The following FRMD3 variants were observed in gnomAD, a reference collection of about 807,000 sequenced individuals.
FRMD3 encodes the protein FERM domain containing 3, also known as FERM domain-containing protein 3.
Under a neutral mutation model 70.2 loss-of-function variants are expected in FRMD3, and 33 were observed. The ratio of observed to expected loss-of-function variants is 0.47; its 90% confidence interval spans 0.36 to 0.63. The LOEUF is 0.63. Among genes scored for constraint, FRMD3 ranks in the 20% least tolerant of loss-of-function variants. The pLI, the probability that FRMD3 is intolerant of heterozygous loss-of-function variation, is 0.00. For missense variants in FRMD3, 632 were observed against 711.4 expected (o/e 0.89, Z 1.27); for synonymous variants, 279 against 255.9 (o/e 1.09, Z -0.86).
intron 13 of FRMD3, among the ~76,000 whole-genome samples, chr9:83,286,488 C>T (rs1015116210): frequency 1.3e-5 from 2 of 152,260 alleles, no homozygotes; most frequent in South Asian, 2.1e-4. Context: ...TATGCCACCA[C>T]ACCCAGCTAA....
chr9:83,381,971 C>T lies in FRMD3; in HGVS notation c.252+7633G>A, dbSNP rs1217042986. ...AAAAACAGTTGGAAAGCCATCCTGA[C>T]CCTTGCATGCCAGTCCCTACTCCCA... On this transcript the variant is annotated intron_variant, in intron 2 of 13. Coordinates refer to ENST00000304195, the MANE Select transcript of FRMD3 (RefSeq NM_174938.6). Among the ~76,000 whole-genome samples the T allele has an allele frequency of 3.3e-5, 5 of 152,054 alleles. No individual in the cohort carries two copies. The East Asian group carries it at 9.6e-4, about 29-fold the overall frequency.
chr9:83,542,313 T>G (rs529530453), upstream of FRMD3, among the ~76,000 whole-genome samples: 19 of 152,240 alleles, frequency 1.2e-4, no homozygotes, highest in Non-Finnish European at 2.1e-4. Context: ...TTGTAAATAT[T>G]GCATCTTGAA....
chr9:83,475,839 T>C (rs1828383363), intron 1 of FRMD3, among the ~76,000 whole-genome samples: 1 of 152,168 alleles, frequency 6.6e-6, no homozygotes, highest in South Asian at 2.1e-4. Context: ...TAGAAAGCTA[T>C]TGGGAGGAAT....
At chr9:83,346,299 C>T (rs928532487) in intron 4 of FRMD3, among the ~76,000 whole-genome samples, 6 of 148,000 alleles carry the variant, frequency 4.1e-5, no homozygotes, top group African/African-American at 1.2e-4. Flanking sequence ...AGCCAAATGT[C>T]CCCCAGCTGA....
chr9:83,372,408 T>G (rs2131256166), intron 3 of FRMD3, among the ~76,000 whole-genome samples: 1 of 151,368 alleles, frequency 6.6e-6, no homozygotes, highest in South Asian at 2.1e-4. Flanking sequence ...CATCGGAGAT[T>G]TAAAACAATT....
the FRMD3 span, among the ~76,000 whole-genome samples, chr9:83,577,833 G>C: frequency 4.0e-5 from 6 of 151,666 alleles, no homozygotes; most frequent in Non-Finnish European, 8.8e-5. Context: ...AAATAACAAA[G>C]ATCAGAGCAG....
chr9:83,519,549 G>A (rs563022771), intron 1 of FRMD3, among the ~76,000 whole-genome samples: 1 of 152,330 alleles, frequency 6.6e-6, no homozygotes, highest in Non-Finnish European at 1.5e-5. Flanking sequence ...TGGTGTGAGT[G>A]TAAATTAGTT....
At chr9:83,349,566 C>T in intron 4 of FRMD3, 113 bp downstream of exon 4, 1 of 645,778 alleles carries the variant, frequency 1.5e-6, no homozygotes, top group Non-Finnish European at 2.6e-6. Flanking sequence ...GAATTCCAAG[C>T]TTGCAACACT....
the FRMD3 span, among the ~76,000 whole-genome samples, chr9:83,549,132 G>A: frequency 6.6e-6 from 1 of 151,944 alleles, no homozygotes; most frequent in Admixed American, 6.6e-5. Context: ...AGACCCCAGT[G>A]TCTTTTGTTT....
rs376781468 is a variant in FRMD3 at position 83,407,557 on chromosome 9, G to C, written c.148-17849C>G. On this transcript the variant is annotated intron_variant, in intron 1 of 13. Coordinates refer to ENST00000304195, the MANE Select transcript of FRMD3 (RefSeq NM_174938.6). The stretch of plus-strand genomic sequence containing the variant: ...CAGAATGAAAATTAGTAGCTGGTGA[G>C]ACCTCTTGGATTTTGTTTTCATATG... Among the ~76,000 whole-genome samples, 22 of 152,308 alleles carry C rather than the reference G, an allele frequency of 1.4e-4. No homozygotes were observed. In the South Asian group the frequency reaches 4.1e-3, roughly 29 times the overall value.
chr9:83,562,834 G>A, the FRMD3 span, among the ~76,000 whole-genome samples: 2 of 152,130 alleles, frequency 1.3e-5, no homozygotes, highest in Non-Finnish European at 2.9e-5. Flanking sequence ...TTTCATTTCG[G>A]AGCTCTGGAT....
chr9:83,357,272 TATATATATATATATATATATATATAA>T lies in FRMD3; in HGVS notation c.296-7541_296-7516del, dbSNP rs1564032843. Among the ~76,000 whole-genome samples, 166 of 61,922 alleles carry T rather than the reference TATATATATATATATATATATATATAA, an allele frequency of 2.7e-3. 6 individuals carry two copies. The highest frequency in any genetic ancestry group is 0.015 in the Middle Eastern group (2 of 136). 40.6% of individuals were successfully genotyped at this position (61,922 alleles called of 152,430 possible). A position where few individuals can be genotyped will look rare whatever the true frequency, so the allele number is the denominator to read the frequency against. On this transcript the variant is annotated intron_variant, in intron 3 of 13. Coordinates refer to ENST00000304195, the MANE Select transcript of FRMD3 (RefSeq NM_174938.6). ...ATATATATATATATATATATATATA[TATATATATATATATATATATATATAA>T]AACATTTTCTTTATCCACTCATTGA...
At chr9:83,346,255 CAAAAAAAAA>C (rs56163115) in intron 4 of FRMD3, among the ~76,000 whole-genome samples, 3 of 62,140 alleles carry the variant, frequency 4.8e-5, no homozygotes, top group Non-Finnish European at 8.7e-5. Flanking sequence ...GACGCCATCT[CAAAAAAAAA>C]AAAAAAAAAA....
At chr9:83,548,832 T>A in the FRMD3 span, among the ~76,000 whole-genome samples, 1 of 152,108 alleles carries the variant, frequency 6.6e-6, no homozygotes, top group Non-Finnish European at 1.5e-5. Context: ...GGGTAGGCTA[T>A]CTGGAAACTC....
intron 13 of FRMD3, among the ~76,000 whole-genome samples, chr9:83,249,508 C>T (rs1202057525): frequency 6.6e-6 from 1 of 152,146 alleles, no homozygotes; most frequent in Non-Finnish European, 1.5e-5. Flanking sequence ...GAACCATAAA[C>T]CAGCTTTTAA....
At chr9:83,333,706 GTGATCAC>G (rs1823472042) in intron 6 of FRMD3, among the ~76,000 whole-genome samples, 2 of 152,112 alleles carry the variant, frequency 1.3e-5, no homozygotes, top group Admixed American at 6.5e-5. Context: ...CGCTGACATG[GTGATCAC>G]CGTGAAACAC....
At chr9:83,434,452 C>A (rs916808468) in intron 1 of FRMD3, among the ~76,000 whole-genome samples, 1 of 152,304 alleles carries the variant, frequency 6.6e-6, no homozygotes, top group Non-Finnish European at 1.5e-5. Flanking sequence ...CAACACTAAA[C>A]AAGAGGATGC....
the FRMD3 span, among the ~76,000 whole-genome samples, chr9:83,582,438 C>A: frequency 1.3e-5 from 2 of 152,122 alleles, no homozygotes; most frequent in Admixed American, 1.3e-4. Context: ...TATTAGGGAA[C>A]CTAGTATCTG....
chr9:83,343,115 G>A (rs1823829946), intron 5 of FRMD3, 75 bp downstream of exon 5: 3 of 1,051,090 alleles, frequency 2.9e-6, no homozygotes, highest in African/African-American at 3.1e-5. Context: ...GCCACGGGTG[G>A]GAGAGAAGGG....
Sources: gnomAD v4.1 joint callset for allele counts (sites outside exome capture counted in the v4.1 genomes callset) on GRCh38, gnomAD v4.1.1 for gene constraint, MANE v1.5 for transcripts, NCBI Gene and HGNC (gene_info 2026-07-23, HGNC 2026-07-21) for gene names.